CSNK2A1: variants seen among roughly 807,000 people sequenced by gnomAD.
The protein encoded by CSNK2A1 is casein kinase 2 alpha 1, also known as casein kinase II subunit alpha.
Under a neutral mutation model 62.9 loss-of-function variants are expected in CSNK2A1, and 10 were observed. The ratio of observed to expected loss-of-function variants is 0.16; its 90% confidence interval spans 0.10 to 0.27. The LOEUF (loss-of-function observed/expected upper bound fraction) is 0.27, where lower values mean the gene tolerates loss of function less well. CSNK2A1 is among the 10% of genes least tolerant of loss of function. The pLI is 1.00. For synonymous variants in CSNK2A1, 124 were observed against 167.8 expected, an observed-to-expected ratio of 0.74 and a Z score of 2.02; for missense variants, 160 against 492.0, an observed-to-expected ratio of 0.33 and a Z score of 6.38.
At position 476,981 on chromosome 20, in the gene CSNK2A1, C is replaced by T. The variant is rs1429298747; in HGVS notation, c.*6980G>A. 6.5e-6 allele frequency: 1 copy of T among 152,746 alleles called. No homozygotes were observed. The highest frequency in any genetic ancestry group is 2.4e-5 in the African/African-American group (1 of 41,428). 9.5% of individuals were successfully genotyped at this position (152,746 alleles called of 1,614,324 possible). ...TCATAGCTCACTGCAGCCTTGAACC[C>T]CTGGGCTCAAGTGATCCTCCTGCCT... On this transcript the variant is annotated 3_prime_UTR_variant, in exon 14 of 14. Coordinates refer to ENST00000217244, the MANE Select transcript of CSNK2A1 (RefSeq NM_177559.3).
chr20:488,979 T>TA, intron 10 of CSNK2A1: 1 of 458,768 alleles, frequency 2.2e-6, no homozygotes, highest in Middle Eastern at 5.4e-4. Flanking sequence ...CCTCTTGAAA[T>TA]GTCACCCTGG....
At position 499,976 on chromosome 20, in the gene CSNK2A1, A is replaced by AT. The variant is rs73611631; in HGVS notation, c.214-43dup. ...ACATCAGCAAAAAAAAAAAAAAAAA[A>AT]TTTTTTCAGAGTATTTCAACACGTA... On this transcript the variant is annotated intron_variant, in intron 4 of 13. Coordinates refer to ENST00000217244, the MANE Select transcript of CSNK2A1 (RefSeq NM_177559.3). This position sits in a 1 kb window ranked among gnomAD's most constrained non-coding sequence, Gnocchi z 4.2. The AT allele has an allele frequency of 2.9e-4, 394 of 1,361,520 alleles. 5 individuals carry two copies. Among genetic ancestry groups the AT allele is most frequent in the South Asian group, 7.3e-4 (56 of 77,166 alleles). 84.3% of individuals were successfully genotyped at this position (1,361,520 alleles called of 1,614,324 possible).
At chr20:536,190 A>G (rs1228871097) in intron 1 of CSNK2A1, among the ~76,000 whole-genome samples, 1 of 152,188 alleles carries the variant, frequency 6.6e-6, no homozygotes, top group East Asian at 1.9e-4. Flanking sequence ...CACCCACCCA[A>G]CAGGCTACAT....
chr20:487,744 A>C, intron 11 of CSNK2A1, 169 bp from the exon 12 acceptor site: 1 of 795,830 alleles, frequency 1.3e-6, no homozygotes, highest in Non-Finnish European at 2.0e-6. Flanking sequence ...CAACAAAGCT[A>C]ACTGGAGACT....
At chr20:531,548 A>T (rs1291884573) in intron 1 of CSNK2A1, among the ~76,000 whole-genome samples, 2 of 152,204 alleles carry the variant, frequency 1.3e-5, no homozygotes, top group Admixed American at 6.5e-5. Flanking sequence ...TGGTAAATGT[A>T]TATAAAGCAG....
In CSNK2A1 at chr20:508,586, G is replaced by A. The variant is rs761482099; in HGVS notation, c.-35C>T. The stretch of plus-strand genomic sequence containing the variant: ...GTTGGCGGACAAAGCTGGACTTGAT[G>A]TTTGGAGATCTGGCAGTCACTGTGT... On this transcript the variant is annotated 5_prime_UTR_variant, in exon 3 of 14. Coordinates refer to ENST00000217244, the MANE Select transcript of CSNK2A1 (RefSeq NM_177559.3). The A allele has an allele frequency of 4.4e-6, 7 of 1,587,092 alleles. No homozygotes were observed. Among genetic ancestry groups the A allele is most frequent in the African/African-American group, 4.0e-5 (3 of 74,344 alleles).
chr20:537,381 G>A (rs1224169212), intron 1 of CSNK2A1, among the ~76,000 whole-genome samples: 4 of 152,054 alleles, frequency 2.6e-5, no homozygotes, highest in Non-Finnish European at 2.9e-5. Flanking sequence ...GTCTAAGACT[G>A]AAAGACAGAA....
chr20:517,626 A>G (rs568505850), intron 2 of CSNK2A1, among the ~76,000 whole-genome samples: 1 of 152,360 alleles, frequency 6.6e-6, no homozygotes, highest in South Asian at 2.1e-4. Flanking sequence ...CTGCACTTAA[A>G]GTACGCACAG....
intron 10 of CSNK2A1, 88 bp from the exon 11 acceptor site, chr20:488,866 G>T: frequency 8.1e-7 from 1 of 1,227,210 alleles, no homozygotes; most frequent in South Asian, 1.3e-5. Flanking sequence ...TACATAAACG[G>T]GTCATCATGT....
At chr20:516,448 C>A (rs1279107273) in intron 2 of CSNK2A1, among the ~76,000 whole-genome samples, 1 of 152,128 alleles carries the variant, frequency 6.6e-6, no homozygotes. Context: ...GTCTGCATGA[C>A]CTATTCTTTA....
intron 1 of CSNK2A1, among the ~76,000 whole-genome samples, chr20:531,740 T>C (rs1292440121): frequency 6.6e-6 from 1 of 152,224 alleles, no homozygotes. Context: ...TGCCATTCTT[T>C]CCTGAAGGAA....
intron 12 of CSNK2A1, 45 bp from the exon 13 acceptor site, chr20:486,507 T>C (rs1432827325): frequency 1.2e-6 from 2 of 1,605,716 alleles, no homozygotes; most frequent in Non-Finnish European, 1.7e-6. Context: ...GCTTGAAAGA[T>C]TAAACTAATG....
Position 478,428 on chromosome 20 carries a change from AG to A in CSNK2A1, c.*5532del, listed in dbSNP as rs1831514392. The A allele has an allele frequency of 4.3e-6, 1 of 235,132 alleles. No homozygotes were observed. The highest frequency in any genetic ancestry group is 8.7e-6 in the Non-Finnish European group (1 of 115,366). 14.6% of individuals were successfully genotyped at this position (235,132 alleles called of 1,614,324 possible). On this transcript the variant is annotated 3_prime_UTR_variant, in exon 14 of 14. Transcript: ENST00000217244. ...AGACTCTGATTCCCAGGGTGGGATC[AG>A]GAAGCCAGCCCCAGCTGCTGCAGCA...
At chr20:526,081 G>T (rs914728562) in intron 2 of CSNK2A1, among the ~76,000 whole-genome samples, 1 of 152,010 alleles carries the variant, frequency 6.6e-6, no homozygotes, top group African/African-American at 2.4e-5. Context: ...CAATAAATTT[G>T]AAAACAGAAG....
At chr20:524,421 CAAA>C (rs71191944) in intron 2 of CSNK2A1, among the ~76,000 whole-genome samples, 2 of 74,748 alleles carry the variant, frequency 2.7e-5, no homozygotes, top group Non-Finnish European at 2.8e-5. Context: ...GGCTCCTTCT[CAAA>C]AAAAAAAAAA....
At chr20:500,223 T>C in intron 4 of CSNK2A1, 2 of 312,568 alleles carry the variant, frequency 6.4e-6, no homozygotes, top group East Asian at 6.5e-5. Context: ...TTTTAAAACA[T>C]GTTAAACATG....
At chr20:495,907 G>T in intron 7 of CSNK2A1, 105 bp from the exon 8 acceptor site, 1 of 844,920 alleles carries the variant, frequency 1.2e-6, no homozygotes, top group Non-Finnish European at 2.0e-6. Context: ...ATACCCCTGG[G>T]ATTCAAGCTG....
chr20:474,056 T>G lies in CSNK2A1; in HGVS notation c.*9905A>C, dbSNP rs952730741. Reference sequence around the variant, plus strand: ...TTTAAGCAAGGGACTGAGATAAAATTTATTTATTATTTTTAAGAGAGAGGT... The same window carrying G: ...TTTAAGCAAGGGACTGAGATAAAATGTATTTATTATTTTTAAGAGAGAGGT... On this transcript the variant is annotated 3_prime_UTR_variant, in exon 14 of 14. Transcript: ENST00000217244. 1.3e-5 allele frequency: 2 copies of G among 151,974 alleles called. No individual in the cohort carries two copies. The highest frequency in any genetic ancestry group is 6.6e-5 in the Admixed American group (1 of 15,250). The allele number at this position is 151,974 out of a possible 1,614,324, so 9.4% of individuals were successfully genotyped here.
At chr20:525,191 G>C (rs139820004) in intron 2 of CSNK2A1, among the ~76,000 whole-genome samples, 35 of 152,168 alleles carry the variant, frequency 2.3e-4, no homozygotes, top group Non-Finnish European at 4.0e-4. Context: ...TCAAAACGTG[G>C]GATACAATTA....
Sources: allele counts gnomAD v4.1 joint callset (sites outside exome capture counted in the v4.1 genomes callset), GRCh38; gene constraint gnomAD v4.1.1; non-coding constraint Gnocchi (gnomAD v3.1); transcripts MANE v1.5; gene names NCBI Gene and HGNC (gene_info 2026-07-23, HGNC 2026-07-21).